The following PRKAR1A variants were observed in gnomAD, a reference collection of about 807,000 sequenced individuals.
PRKAR1A encodes the protein cAMP-dependent protein kinase type I-alpha regulatory subunit.
Under a neutral mutation model 52.0 loss-of-function variants are expected in PRKAR1A, and 3 were observed. The observed-to-expected ratio is 0.06, with a 90% CI of 0.03 to 0.15. The LOEUF is 0.15. Among genes scored for constraint, PRKAR1A ranks in the 10% least tolerant of loss-of-function variants. The pLI is 1.00. For synonymous variants in PRKAR1A, 188 were observed against 168.4 expected (o/e 1.12, Z -0.90); for missense variants, 240 against 477.4 (o/e 0.50, Z 4.63).
the PRKAR1A span, among the ~76,000 whole-genome samples, chr17:68,468,980 A>G: frequency 6.6e-6 from 1 of 152,062 alleles, no homozygotes; most frequent in Non-Finnish European, 1.5e-5. Flanking sequence ...CCCTTGTCTG[A>G]CCTTATACTC....
chr17:68,423,339 T>C, the PRKAR1A span, among the ~76,000 whole-genome samples: 1 of 152,184 alleles, frequency 6.6e-6, no homozygotes, highest in Non-Finnish European at 1.5e-5. This position sits in a 1 kb window ranked among gnomAD's most constrained non-coding sequence, Gnocchi z 4.4. Flanking sequence ...CATGCATGCC[T>C]CTGGTCCTTA....
the PRKAR1A span, among the ~76,000 whole-genome samples, chr17:68,485,489 C>G: frequency 6.6e-6 from 1 of 152,114 alleles, no homozygotes; most frequent in Non-Finnish European, 1.5e-5. Context: ...GTTATTTTGA[C>G]CCTTTGATCT....
chr17:68,434,921 G>T, the PRKAR1A span, among the ~76,000 whole-genome samples: 25 of 152,144 alleles, frequency 1.6e-4, no homozygotes, highest in Non-Finnish European at 3.2e-4. Context: ...TCAATTTGAG[G>T]CCGGGTGTGG....
At chr17:68,462,492 A>G in the PRKAR1A span, among the ~76,000 whole-genome samples, 4 of 152,310 alleles carry the variant, frequency 2.6e-5, no homozygotes, top group African/African-American at 9.6e-5. Flanking sequence ...TGAAAATAGA[A>G]GACCAAGCTT....
chr17:68,529,879 A>C, intron 9 of PRKAR1A, 41 bp from the exon 10 acceptor site: 3 of 1,588,444 alleles, frequency 1.9e-6, no homozygotes, highest in Non-Finnish European at 2.6e-6. Flanking sequence ...CCTGGGTTTG[A>C]GAGTGTGTGT....
downstream of PRKAR1A, chr17:68,537,272 C>A: frequency 1.4e-6 from 1 of 738,812 alleles, no homozygotes; most frequent in Non-Finnish European, 2.4e-6. The surrounding 1 kb of genome is among the most constrained non-coding windows in gnomAD (Gnocchi z 4.2). Context: ...AAAAACGGAG[C>A]AAGGCAACGC....
At chr17:68,426,250 G>GC in the PRKAR1A span, 16 of 828,058 alleles carry the variant, frequency 1.9e-5, no homozygotes, top group Non-Finnish European at 2.5e-5. Flanking sequence ...GGTGGGGAGC[G>GC]GGGGCTCAAA....
chr17:68,474,999 T>G, the PRKAR1A span, among the ~76,000 whole-genome samples: 1 of 152,268 alleles, frequency 6.6e-6, no homozygotes, highest in Admixed American at 6.5e-5. Context: ...TAAGTTGGAT[T>G]TATTTTTGTA....
intron 11 of PRKAR1A, among the ~76,000 whole-genome samples, chr17:68,544,625 C>T (rs903591891): frequency 6.6e-6 from 1 of 152,040 alleles, no homozygotes; most frequent in Non-Finnish European, 1.5e-5. Context: ...TGCATTTTGC[C>T]AAAAAACACG....
At chr17:68,540,527 G>A (rs1288862945) in intron 11 of PRKAR1A, 1 of 491,404 alleles carries the variant, frequency 2.0e-6, no homozygotes, top group South Asian at 1.5e-5. Flanking sequence ...ACATATTTGT[G>A]TACTTTCTTC....
downstream of PRKAR1A, chr17:68,536,713 T>C (rs1208171352): frequency 4.4e-6 from 2 of 454,004 alleles, no homozygotes; most frequent in Non-Finnish European, 8.8e-6. Flanking sequence ...TCCCATGCCA[T>C]CCTGACCTTG....
At chr17:68,442,591 TC>T in the PRKAR1A span, among the ~76,000 whole-genome samples, 1 of 151,782 alleles carries the variant, frequency 6.6e-6, no homozygotes, top group African/African-American at 2.4e-5. Flanking sequence ...TACTGTCCAC[TC>T]CCCTCTCTTC....
chr17:68,420,888 G>A, the PRKAR1A span: 11 of 180,066 alleles, frequency 6.1e-5, no homozygotes, highest in Non-Finnish European at 1.2e-5. Context: ...TGGTCATTTT[G>A]GTGTAAATCC....
intron 11 of PRKAR1A, chr17:68,540,060 C>G: frequency 9.3e-7 from 1 of 1,069,634 alleles, no homozygotes; most frequent in Non-Finnish European, 1.4e-6. Flanking sequence ...GGCCTGTCAT[C>G]ACTTGAGAGA....
At chr17:68,486,569 C>CT in the PRKAR1A span, among the ~76,000 whole-genome samples, 8 of 126,724 alleles carry the variant, frequency 6.3e-5, no homozygotes, top group African/African-American at 1.2e-4. Context: ...TTCTTTCTTT[C>CT]TTCTTTCCTT....
At chr17:68,500,318 T>G in the PRKAR1A span, among the ~76,000 whole-genome samples, 6 of 152,162 alleles carry the variant, frequency 3.9e-5, no homozygotes, top group South Asian at 2.1e-4. Flanking sequence ...ATTCTTGAGG[T>G]AGTGAATAAG....
chr17:68,464,701 A>C, the PRKAR1A span, among the ~76,000 whole-genome samples: 100 of 27,130 alleles, frequency 3.7e-3, no homozygotes, highest in Non-Finnish European at 5.6e-3. Flanking sequence ...AAAAAAAACA[A>C]AAAAAACAAA....
At chr17:68,526,895 C>G (rs573618385) in intron 7 of PRKAR1A, among the ~76,000 whole-genome samples, 1 of 152,190 alleles carries the variant, frequency 6.6e-6, no homozygotes, top group Non-Finnish European at 1.5e-5. Context: ...ATAACCTGCA[C>G]ATGTACCCCT....
chr17:68,540,042 G>A (rs956818948), intron 11 of PRKAR1A: 1 of 1,280,516 alleles, frequency 7.8e-7, no homozygotes, highest in Non-Finnish European at 1.1e-6. Context: ...TTCTCTCCAG[G>A]GAACGGAGGC....
Sources: allele counts gnomAD v4.1 joint callset (sites outside exome capture counted in the v4.1 genomes callset), GRCh38; gene constraint gnomAD v4.1.1; non-coding constraint Gnocchi (gnomAD v3.1); transcripts MANE v1.5; gene names NCBI Gene and HGNC (gene_info 2026-07-23, HGNC 2026-07-21).